The following PDLIM5 variants were observed in gnomAD, a reference collection of about 807,000 sequenced individuals.
PDLIM5 encodes PDZ and LIM domain protein 5.
PDLIM5 carries 34 observed loss-of-function variants against 64.2 expected under a neutral mutation model. The ratio of observed to expected loss-of-function variants is 0.53; its 90% CI spans 0.40 to 0.71. The LOEUF (loss-of-function observed/expected upper bound fraction) is 0.71. Among genes scored for constraint, PDLIM5 ranks in the 30% least tolerant of loss-of-function variants. The pLI, the probability that PDLIM5 is intolerant of heterozygous loss-of-function variation, is 0.00. For missense variants in PDLIM5, 683 were observed against 733.6 expected (o/e 0.93, Z 0.80); for synonymous variants, 253 against 269.1 (o/e 0.94, Z 0.59).
intron 3 of PDLIM5, among the ~76,000 whole-genome samples, chr4:94,528,583 A>G (rs530416018): frequency 1.3e-5 from 2 of 152,208 alleles, no homozygotes; most frequent in South Asian, 2.1e-4. Context: ...ATTATTTCCC[A>G]AAGTAGGAAT....
chr4:94,540,442 G>T (rs906092766), intron 3 of PDLIM5, among the ~76,000 whole-genome samples: 1 of 152,212 alleles, frequency 6.6e-6, no homozygotes, highest in African/African-American at 2.4e-5. Flanking sequence ...TAAAGATGAG[G>T]AAGTAGAGGA....
At chr4:94,572,567 A>T (rs1315583641) in intron 3 of PDLIM5, among the ~76,000 whole-genome samples, 1 of 152,246 alleles carries the variant, frequency 6.6e-6, no homozygotes, top group African/African-American at 2.4e-5. Flanking sequence ...GCACAATAAT[A>T]ACATAGTACA....
intron 3 of PDLIM5, among the ~76,000 whole-genome samples, chr4:94,538,691 A>ACC (rs1406445340): frequency 6.6e-6 from 1 of 152,200 alleles, no homozygotes; most frequent in Non-Finnish European, 1.5e-5. Flanking sequence ...TATTAAAGAA[A>ACC]CCAGCATGTT....
intron 3 of PDLIM5, among the ~76,000 whole-genome samples, chr4:94,529,212 C>T (rs919991773): frequency 2.0e-5 from 3 of 152,086 alleles, no homozygotes; most frequent in South Asian, 2.1e-4. Flanking sequence ...CTTACAGTCA[C>T]GGAAAGGAAG....
At chr4:94,491,008 C>T (rs1001899131) in intron 2 of PDLIM5, among the ~76,000 whole-genome samples, 2 of 152,102 alleles carry the variant, frequency 1.3e-5, no homozygotes, top group Non-Finnish European at 2.9e-5. Context: ...TCATTATACC[C>T]TACCTCTATC....
At chr4:94,580,564 G>A (rs1158352746) in intron 5 of PDLIM5, among the ~76,000 whole-genome samples, 1 of 152,034 alleles carries the variant, frequency 6.6e-6, no homozygotes, top group East Asian at 1.9e-4. Context: ...TAAAGGGGGA[G>A]AATGGCGTTT....
rs145621168 is a variant in PDLIM5 at position 94,568,361 on chromosome 4, C to T, written c.249-4990C>T. Among the ~76,000 whole-genome samples the T allele has an allele frequency of 1.2e-3, 188 of 152,200 alleles. 1 individual carries two copies. Among genetic ancestry groups the T allele is most frequent in the Middle Eastern group, 3.4e-3 (1 of 294 alleles). On this transcript the variant is annotated intron_variant, in intron 3 of 12. Transcript: ENST00000317968. Reference sequence around the variant, plus strand: ...GTCTGGCCCTGTATAATAAAATTTGCCATTTCTTAACAGTGGGACATATAG... The same window carrying T: ...GTCTGGCCCTGTATAATAAAATTTGTCATTTCTTAACAGTGGGACATATAG...
intron 7 of PDLIM5, among the ~76,000 whole-genome samples, chr4:94,602,831 A>G (rs1027857337): frequency 6.6e-6 from 1 of 152,176 alleles, no homozygotes; most frequent in Non-Finnish European, 1.5e-5. Flanking sequence ...TAGCTCCACC[A>G]TATACCAAAG....
chr4:94,577,516 G>T, intron 5 of PDLIM5: 1 of 320,050 alleles, frequency 3.1e-6, no homozygotes, highest in South Asian at 2.6e-5. Context: ...AAAAAAGAAT[G>T]TTATTGTTTC....
At chr4:94,617,191 A>C (rs544476278) in intron 7 of PDLIM5, among the ~76,000 whole-genome samples, 2 of 152,344 alleles carry the variant, frequency 1.3e-5, no homozygotes, top group African/African-American at 2.4e-5. Context: ...TGGGCTACCT[A>C]GAATTATTAT....
intron 2 of PDLIM5, among the ~76,000 whole-genome samples, chr4:94,495,739 G>A (rs901963086): frequency 6.6e-6 from 1 of 152,156 alleles, no homozygotes; most frequent in Non-Finnish European, 1.5e-5. Flanking sequence ...TTCCAGGGGG[G>A]TACACACCAG....
Position 94,665,276 on chromosome 4 carries a change from G to C in PDLIM5, c.*1209G>C. On this transcript the variant is annotated 3_prime_UTR_variant, in exon 13 of 13. Coordinates refer to ENST00000317968, the MANE Select transcript of PDLIM5 (RefSeq NM_006457.5). ...AGACGGGCGGATCATGAGGTCAAGAGATCAAGATCATCCTGGCCAACATGG... is the reference window on the plus strand; with the variant it reads ...AGACGGGCGGATCATGAGGTCAAGACATCAAGATCATCCTGGCCAACATGG... The C allele has an allele frequency of 3.3e-6, 1 of 304,794 alleles. No homozygotes were observed. Among genetic ancestry groups the C allele is most frequent in the Non-Finnish European group, 4.8e-6 (1 of 207,078 alleles). 18.9% of individuals were successfully genotyped at this position (304,794 alleles called of 1,614,324 possible). A position where few individuals can be genotyped will look rare whatever the true frequency, so the allele number is the denominator to read the frequency against.
chr4:94,564,675 T>TTTTTTTTTTTTCA (rs34752406), intron 3 of PDLIM5, among the ~76,000 whole-genome samples: 3 of 146,396 alleles, frequency 2.0e-5, no homozygotes, highest in Non-Finnish European at 3.0e-5. Flanking sequence ...TTTTTTTTTT[T>TTTTTTTTTTTTCA]GACAGAGTCT....
At chr4:94,533,005 A>G (rs1441736464) in intron 3 of PDLIM5, among the ~76,000 whole-genome samples, 2 of 152,242 alleles carry the variant, frequency 1.3e-5, no homozygotes, top group Non-Finnish European at 2.9e-5. Flanking sequence ...TCTGTCTCAA[A>G]AAAAGAAAAT....
At chr4:94,547,674 T>TAA (rs1732442490) in intron 3 of PDLIM5, among the ~76,000 whole-genome samples, 1 of 152,162 alleles carries the variant, frequency 6.6e-6, no homozygotes, top group African/African-American at 2.4e-5. Context: ...TCTGAAAGGG[T>TAA]AAATTATGTA....
rs1004570904 is a variant in PDLIM5 at position 94,664,625 on chromosome 4, T to A, written c.*558T>A. ...TGGCTCACGCCTGTAATCCCAGCAC[T>A]TTGGGAGGCCAAGGTGGGTGGACCA... On this transcript the variant is annotated 3_prime_UTR_variant, in exon 13 of 13. Coordinates refer to ENST00000317968, the MANE Select transcript of PDLIM5 (RefSeq NM_006457.5). 2.3e-6 allele frequency: 1 copy of A among 435,526 alleles called. No homozygotes were observed. The highest frequency in any genetic ancestry group is 3.1e-6 in the Non-Finnish European group (1 of 327,674). The allele number at this position is 435,526 out of a possible 1,614,324, so 27.0% of individuals were successfully genotyped here.
At chr4:94,587,247 T>A in intron 7 of PDLIM5, 1 of 1,423,674 alleles carries the variant, frequency 7.0e-7, no homozygotes, top group Non-Finnish European at 9.1e-7. Context: ...AAGATGAACA[T>A]GTTTTGTGCT....
intron 8 of PDLIM5, among the ~76,000 whole-genome samples, chr4:94,620,102 C>A (rs1739102146): frequency 6.6e-6 from 1 of 152,206 alleles, no homozygotes; most frequent in Admixed American, 6.5e-5. Context: ...TTGCACTAAA[C>A]CATCTTCAGT....
At chr4:94,657,973 G>T (rs1742348626) in intron 11 of PDLIM5, among the ~76,000 whole-genome samples, 2 of 152,190 alleles carry the variant, frequency 1.3e-5, no homozygotes, top group Non-Finnish European at 2.9e-5. Context: ...CGGGATTACA[G>T]GCATGAGCCA....
Sources: allele counts gnomAD v4.1 joint callset (sites outside exome capture counted in the v4.1 genomes callset), GRCh38; gene constraint gnomAD v4.1.1; transcripts MANE v1.5; gene names NCBI Gene and HGNC (gene_info 2026-07-23, HGNC 2026-07-21).